The following CNTNAP5 variants were observed in gnomAD, a reference collection of about 807,000 sequenced individuals.
CNTNAP5 encodes the protein contactin associated protein family member 5.
A neutral mutation model predicts 150.2 loss-of-function variants in CNTNAP5; 72 were observed. That is an observed-to-expected ratio of 0.48 (90% CI 0.40 to 0.58). CNTNAP5 has a LOEUF of 0.58. CNTNAP5 is among the 20% of genes least tolerant of loss of function. The probability of loss-of-function intolerance (pLI) is 0.00; values close to 1 mark genes in which losing one functional copy is unlikely to be tolerated. For synonymous variants in CNTNAP5, 672 were observed against 619.8 expected, an observed-to-expected ratio of 1.08 and a Z score of -1.25; for missense variants, 1,636 against 1,626.2, an observed-to-expected ratio of 1.01 and a Z score of -0.10.
At chr2:124,131,704 G>C (rs1276154626) in intron 1 of CNTNAP5, among the ~76,000 whole-genome samples, 1 of 152,120 alleles carries the variant, frequency 6.6e-6, no homozygotes, top group Admixed American at 6.5e-5. Context: ...AGAGTGGATG[G>C]TTTCTATACA....
intron 13 of CNTNAP5, among the ~76,000 whole-genome samples, chr2:124,701,146 C>G (rs1376683199): frequency 6.6e-6 from 1 of 151,964 alleles, no homozygotes; most frequent in Non-Finnish European, 1.5e-5. Flanking sequence ...GTCCTCTGAC[C>G]TATATATTCC....
chr2:124,032,520 T>C (rs968492495), intron 1 of CNTNAP5, among the ~76,000 whole-genome samples: 1 of 151,906 alleles, frequency 6.6e-6, no homozygotes, highest in African/African-American at 2.4e-5. Flanking sequence ...AAGTGACAAT[T>C]AGTAAGACCT....
intron 7 of CNTNAP5, among the ~76,000 whole-genome samples, chr2:124,494,780 G>A (rs1694108927): frequency 6.6e-6 from 1 of 151,944 alleles, no homozygotes; most frequent in South Asian, 2.1e-4. Context: ...ATTCCTACCT[G>A]GATTACCTGC....
intron 19 of CNTNAP5, among the ~76,000 whole-genome samples, chr2:124,863,475 G>T (rs1677566753): frequency 6.6e-6 from 1 of 152,148 alleles, no homozygotes; most frequent in South Asian, 2.1e-4. Flanking sequence ...AAATCTGCGT[G>T]GTCAGAACCA....
At chr2:124,850,779 A>G (rs994439034) in intron 19 of CNTNAP5, among the ~76,000 whole-genome samples, 1 of 152,218 alleles carries the variant, frequency 6.6e-6, no homozygotes, top group Admixed American at 6.5e-5. Context: ...GGAAACTAGG[A>G]GAGAAAAATA....
intron 3 of CNTNAP5, among the ~76,000 whole-genome samples, chr2:124,408,472 T>C (rs1691653501): frequency 6.6e-6 from 1 of 152,118 alleles, no homozygotes; most frequent in Admixed American, 6.5e-5. Context: ...CTCTGCAGAC[T>C]TAAATGTCTC....
At chr2:124,789,646 A>G (rs558090361) in intron 17 of CNTNAP5, among the ~76,000 whole-genome samples, 1 of 152,248 alleles carries the variant, frequency 6.6e-6, no homozygotes, top group South Asian at 2.1e-4. Flanking sequence ...ATAAATGAGA[A>G]TATGGGGTAT....
intron 10 of CNTNAP5, among the ~76,000 whole-genome samples, chr2:124,527,963 G>A (rs1372812770): frequency 6.6e-6 from 1 of 152,138 alleles, no homozygotes. Context: ...CTGGCCCAGA[G>A]ATCAGAAAAA....
At chr2:124,326,956 C>T (rs1689234559) in intron 3 of CNTNAP5, among the ~76,000 whole-genome samples, 4 of 140,908 alleles carry the variant, frequency 2.8e-5, no homozygotes, top group African/African-American at 8.0e-5. Context: ...GCCTGGGCGA[C>T]GAGGTTAGAT....
intron 3 of CNTNAP5, among the ~76,000 whole-genome samples, chr2:124,292,939 T>C (rs1049119984): frequency 6.6e-6 from 1 of 152,068 alleles, no homozygotes; most frequent in African/African-American, 2.4e-5. Flanking sequence ...AATTACCATA[T>C]TGAAAGATAT....
intron 11 of CNTNAP5, among the ~76,000 whole-genome samples, chr2:124,568,386 C>T (rs1353856503): frequency 1.3e-5 from 2 of 152,144 alleles, no homozygotes; most frequent in Non-Finnish European, 2.9e-5. Context: ...CATACATGTG[C>T]TGTATTCTGG....
At chr2:124,302,749 G>A (rs1688596060) in intron 3 of CNTNAP5, among the ~76,000 whole-genome samples, 1 of 152,272 alleles carries the variant, frequency 6.6e-6, no homozygotes, top group South Asian at 2.1e-4. Context: ...ACCCATTTTT[G>A]TCATCTGTAG....
intron 3 of CNTNAP5, among the ~76,000 whole-genome samples, chr2:124,286,201 C>T (rs1688145516): frequency 6.6e-6 from 1 of 152,182 alleles, no homozygotes; most frequent in Admixed American, 6.5e-5. Context: ...GGTTCTGGGA[C>T]TCAATTCGAA....
chr2:124,356,224 A>G (rs1558864890), intron 3 of CNTNAP5, among the ~76,000 whole-genome samples: 1 of 152,172 alleles, frequency 6.6e-6, no homozygotes, highest in Non-Finnish European at 1.5e-5. Flanking sequence ...TGCTTCTACT[A>G]AAATATGGAC....
chr2:124,869,564 G>C (rs1027427260), intron 20 of CNTNAP5, 111 bp from the exon 21 acceptor site: 8 of 660,534 alleles, frequency 1.2e-5, no homozygotes, highest in Admixed American at 7.2e-5. Flanking sequence ...AATCTCAGAG[G>C]GGGGTCTGCT....
In CNTNAP5 at chr2:124,411,388, A is replaced by G. The variant is rs1691759489; in HGVS notation, c.382-6055A>G. ...CCCTAACTCATTTTATGAGGCCAGC[A>G]TCATTCTGATACCAAAGCCAGGCAG... On this transcript the variant is annotated intron_variant, in intron 3 of 23. Coordinates refer to ENST00000682447, the MANE Select transcript of CNTNAP5 (RefSeq NM_001367498.1). Among the ~76,000 whole-genome samples the G allele has an allele frequency of 3.3e-5, 5 of 152,108 alleles. No homozygotes were observed. In the South Asian group the frequency reaches 8.3e-4, roughly 25 times the overall value.
chr2:124,103,716 G>GT, intron 1 of CNTNAP5, among the ~76,000 whole-genome samples: 1 of 151,644 alleles, frequency 6.6e-6, no homozygotes, highest in Non-Finnish European at 1.5e-5. Context: ...ACACACTGAT[G>GT]TTCAATTACA....
chr2:124,555,425 T>C (rs1480619227), intron 10 of CNTNAP5, among the ~76,000 whole-genome samples: 1 of 152,216 alleles, frequency 6.6e-6, no homozygotes, highest in Admixed American at 6.5e-5. Flanking sequence ...ACATCCACAG[T>C]TGGCTGACCA....
intron 16 of CNTNAP5, among the ~76,000 whole-genome samples, chr2:124,771,074 T>G (rs1334882074): frequency 6.6e-6 from 1 of 152,144 alleles, no homozygotes; most frequent in African/African-American, 2.4e-5. Context: ...ATACTCAAAA[T>G]TCTGTGTAAT....
Sources: gnomAD v4.1 joint callset for allele counts (sites outside exome capture counted in the v4.1 genomes callset) on GRCh38, gnomAD v4.1.1 for gene constraint, MANE v1.5 for transcripts, NCBI Gene and HGNC (gene_info 2026-07-23, HGNC 2026-07-21) for gene names.